Variants in HMGCLL1 observed in about 807,000 individuals in gnomAD.
The protein encoded by HMGCLL1 is 3-hydroxymethyl-3-methylglutaryl-CoA lyase, cytoplasmic.
In HMGCLL1, 36 loss-of-function variants were observed where a neutral mutation model predicts 39.1. That is an observed-to-expected ratio of 0.92 (90% CI 0.71 to 1.22). The LOEUF (loss-of-function observed/expected upper bound fraction) is 1.22. Ranked by LOEUF, HMGCLL1 falls within the 50% of genes most tolerant of loss-of-function variation. The pLI, the probability that HMGCLL1 is intolerant of heterozygous loss-of-function variation, is 0.00. For missense variants in HMGCLL1, 451 were observed against 416.5 expected, an observed-to-expected ratio of 1.08 and a Z score of -0.72; for synonymous variants, 149 against 144.0, an observed-to-expected ratio of 1.03 and a Z score of -0.25.
At chr6:55,604,129 G>C in the HMGCLL1 span, among the ~76,000 whole-genome samples, 4 of 152,150 alleles carry the variant, frequency 2.6e-5, no homozygotes, top group South Asian at 8.3e-4. Context: ...GAAAAGTAAA[G>C]TGCAGCAAGG....
At chr6:55,632,005 T>C in the HMGCLL1 span, among the ~76,000 whole-genome samples, 2 of 152,110 alleles carry the variant, frequency 1.3e-5, no homozygotes, top group African/African-American at 4.8e-5. Context: ...AACTCCTGTG[T>C]TTGCAAAGTA....
intron 3 of HMGCLL1, among the ~76,000 whole-genome samples, chr6:55,526,716 G>A (rs1251958819): frequency 6.6e-6 from 1 of 151,714 alleles, no homozygotes. Flanking sequence ...TAAACCTATG[G>A]GTATTTAATT....
In HMGCLL1 at chr6:55,470,749, C is replaced by A. The variant is rs188557289; in HGVS notation, c.795+24670G>T. On this transcript the variant is annotated intron_variant, in intron 7 of 8. Coordinates refer to ENST00000274901, the MANE Select transcript of HMGCLL1 (RefSeq NM_001042406.2). ...TTAATTGACTCACAGTGCTGTATGGCTGGAGAGGTCTCAGGAAACTTACAA... is the reference window on the plus strand; with the variant it reads ...TTAATTGACTCACAGTGCTGTATGGATGGAGAGGTCTCAGGAAACTTACAA... Among the ~76,000 whole-genome samples, 10 of 151,810 alleles carry A rather than the reference C, an allele frequency of 6.6e-5. No homozygotes were observed. The East Asian group carries it at 1.7e-3, about 27-fold the overall frequency.
chr6:55,578,875 G>C (rs73444702), intron 1 of HMGCLL1, 73 bp downstream of exon 1: 1 of 1,082,246 alleles, frequency 9.2e-7, no homozygotes, highest in African/African-American at 1.6e-5. Context: ...AGGGCACCAA[G>C]AGGTTGCAGG....
At chr6:55,474,588 CTCA>C (rs1765203275) in intron 7 of HMGCLL1, among the ~76,000 whole-genome samples, 1 of 151,522 alleles carries the variant, frequency 6.6e-6, no homozygotes, top group East Asian at 1.9e-4. Context: ...AATTCCCTGT[CTCA>C]TCATTCCAAT....
the HMGCLL1 span, among the ~76,000 whole-genome samples, chr6:55,609,396 A>G: frequency 3.1e-4 from 47 of 152,266 alleles, no homozygotes; most frequent in South Asian, 2.9e-3. Flanking sequence ...CCCACAGCAC[A>G]GCACACTGGC....
At chr6:55,604,153 T>A in the HMGCLL1 span, among the ~76,000 whole-genome samples, 4 of 152,114 alleles carry the variant, frequency 2.6e-5, no homozygotes, top group African/African-American at 9.7e-5. Context: ...TTGGCCCAGT[T>A]GCTGCAGGCT....
chr6:55,591,719 T>A, the HMGCLL1 span, among the ~76,000 whole-genome samples: 2 of 151,796 alleles, frequency 1.3e-5, no homozygotes, highest in Non-Finnish European at 2.9e-5. Context: ...AAAACATAAT[T>A]TTCTTGCCAA....
chr6:55,627,571 G>A, the HMGCLL1 span, among the ~76,000 whole-genome samples: 2 of 151,710 alleles, frequency 1.3e-5, no homozygotes, highest in Non-Finnish European at 2.9e-5. Context: ...GGGTGTGTCT[G>A]CGTGGGTGTT....
intron 5 of HMGCLL1, among the ~76,000 whole-genome samples, chr6:55,509,139 T>C (rs1330398432): frequency 1.3e-5 from 2 of 151,852 alleles, no homozygotes; most frequent in Non-Finnish European, 2.9e-5. Context: ...AGATGTCTTA[T>C]TTTTAGAGTT....
At chr6:55,603,762 A>G in the HMGCLL1 span, among the ~76,000 whole-genome samples, 1 of 152,178 alleles carries the variant, frequency 6.6e-6, no homozygotes, top group Non-Finnish European at 1.5e-5. Context: ...CCAAAGTTAT[A>G]TAAGCATGTT....
chr6:55,658,155 G>A, the HMGCLL1 span, among the ~76,000 whole-genome samples: 6 of 151,812 alleles, frequency 4.0e-5, no homozygotes, highest in Non-Finnish European at 8.8e-5. Flanking sequence ...GAGGACAAAA[G>A]GTTGATTTGA....
the HMGCLL1 span, among the ~76,000 whole-genome samples, chr6:55,627,947 TA>T: frequency 7.3e-5 from 1 of 13,692 alleles, no homozygotes; most frequent in African/African-American, 2.9e-4. Context: ...ATATAGTATA[TA>T]TACTATATAT....
chr6:55,484,057 T>C (rs1258152401), intron 7 of HMGCLL1, among the ~76,000 whole-genome samples: 1 of 152,110 alleles, frequency 6.6e-6, no homozygotes, highest in Non-Finnish European at 1.5e-5. Flanking sequence ...TAAAGTCCAG[T>C]TGGGTTAAAT....
chr6:55,544,194 T>C (rs369401375), intron 1 of HMGCLL1, among the ~76,000 whole-genome samples: 72 of 152,188 alleles, frequency 4.7e-4, no homozygotes, highest in African/African-American at 1.5e-3. Context: ...AGATGGCAAA[T>C]GGTCTGGTTT....
upstream of HMGCLL1, among the ~76,000 whole-genome samples, chr6:55,582,158 G>T (rs1004709954): frequency 1.3e-4 from 20 of 152,180 alleles, no homozygotes; most frequent in Admixed American, 1.1e-3. Context: ...TGGGAGCCAG[G>T]TTCTAACAGG....
chr6:55,541,345 G>C (rs1412049237), intron 3 of HMGCLL1, among the ~76,000 whole-genome samples: 1 of 152,108 alleles, frequency 6.6e-6, no homozygotes, highest in Admixed American at 6.6e-5. Flanking sequence ...TTCAATATGG[G>C]ATTCTAGAAG....
chr6:55,620,179 T>C, the HMGCLL1 span, among the ~76,000 whole-genome samples: 4 of 152,132 alleles, frequency 2.6e-5, no homozygotes, highest in African/African-American at 4.8e-5. Context: ...TTTGATACAC[T>C]GATATTTTTT....
chr6:55,655,539 G>GATAGAT, the HMGCLL1 span, among the ~76,000 whole-genome samples: 1 of 148,012 alleles, frequency 6.8e-6, no homozygotes, highest in East Asian at 2.3e-4. Context: ...TATATTGGTA[G>GATAGAT]ATAGATAGAT....
Sources: gnomAD v4.1 joint callset for allele counts (sites outside exome capture counted in the v4.1 genomes callset) on GRCh38, gnomAD v4.1.1 for gene constraint, MANE v1.5 for transcripts, NCBI Gene and HGNC (gene_info 2026-07-23, HGNC 2026-07-21) for gene names.